Variants in RAD51B observed in about 807,000 individuals in gnomAD.
The protein encoded by RAD51B is RAD51 paralog B, also known as DNA repair protein RAD51 homolog 2.
Under a neutral mutation model 42.2 loss-of-function variants are expected in RAD51B, and 38 were observed. The ratio of observed to expected loss-of-function variants is 0.90; its 90% CI spans 0.70 to 1.18. RAD51B has a LOEUF of 1.18. RAD51B is among the 50% of genes most tolerant of loss of function. RAD51B has a pLI of 0.00. For synonymous variants in RAD51B, 154 were observed against 145.2 expected (o/e 1.06, Z -0.43); for missense variants, 373 against 400.7 (o/e 0.93, Z 0.59).
chr14:68,414,117 C>T (rs534697573), intron 9 of RAD51B, among the ~76,000 whole-genome samples: 14 of 152,204 alleles, frequency 9.2e-5, no homozygotes, highest in East Asian at 1.9e-4. Context: ...ACCTTCAAGC[C>T]GATTAACCCA....
intron 7 of RAD51B, among the ~76,000 whole-genome samples, chr14:68,258,435 T>A (rs1044040077): frequency 1.3e-5 from 2 of 149,746 alleles, no homozygotes; most frequent in Non-Finnish European, 3.0e-5. Flanking sequence ...ACACACACTC[T>A]CTCTCTCTCA....
chr14:67,860,597 G>T (rs887997948), intron 4 of RAD51B, among the ~76,000 whole-genome samples: 1 of 152,158 alleles, frequency 6.6e-6, no homozygotes, highest in Non-Finnish European at 1.5e-5. Context: ...ATGCTGGACT[G>T]TTGGGGGAAA....
chr14:67,899,344 C>T (rs1363537591), intron 7 of RAD51B, among the ~76,000 whole-genome samples: 8 of 152,056 alleles, frequency 5.3e-5, no homozygotes, highest in African/African-American at 1.4e-4. Flanking sequence ...CCACCACACC[C>T]GGCCTAGATT....
intron 7 of RAD51B, among the ~76,000 whole-genome samples, chr14:67,897,771 T>C (rs2043473208): frequency 6.6e-6 from 1 of 152,040 alleles, no homozygotes; most frequent in Non-Finnish European, 1.5e-5. Flanking sequence ...TGTCTCAGTC[T>C]CCCAAGTACC....
intron 7 of RAD51B, among the ~76,000 whole-genome samples, chr14:68,143,066 A>C (rs1013778258): frequency 3.3e-5 from 5 of 152,052 alleles, no homozygotes; most frequent in African/African-American, 1.2e-4. Context: ...CTAAAGGAAC[A>C]CTGTGATTTC....
chr14:68,338,584 G>A, intron 8 of RAD51B: 1 of 271,580 alleles, frequency 3.7e-6, no homozygotes. Flanking sequence ...GCTGCCAAGG[G>A]CCCACCCATG....
chr14:68,303,539 A>G (rs1244068752), intron 8 of RAD51B, among the ~76,000 whole-genome samples: 1 of 152,088 alleles, frequency 6.6e-6, no homozygotes, highest in East Asian at 1.9e-4. Context: ...TTTCTCAGGC[A>G]GCCATTTACA....
At chr14:68,142,923 C>T (rs1163303168) in intron 7 of RAD51B, among the ~76,000 whole-genome samples, 1 of 149,988 alleles carries the variant, frequency 6.7e-6, no homozygotes, top group Non-Finnish European at 1.5e-5. Flanking sequence ...GGGTTGGGGG[C>T]TTGCAGTGAG....
intron 10 of RAD51B, among the ~76,000 whole-genome samples, chr14:68,518,399 G>C (rs12100662): frequency 0.046 from 7,040 of 152,282 alleles, 509 homozygotes; most frequent in African/African-American, 0.16. Context: ...GGAAACAACA[G>C]GCAGTTGTGT....
chr14:68,050,114 T>G (rs1384573222), intron 7 of RAD51B, among the ~76,000 whole-genome samples: 1 of 152,202 alleles, frequency 6.6e-6, no homozygotes, highest in Admixed American at 6.5e-5. Flanking sequence ...TCTTTCTCTG[T>G]ACTTCTCTTA....
At chr14:68,258,731 T>C (rs2080812679) in intron 7 of RAD51B, among the ~76,000 whole-genome samples, 1 of 152,108 alleles carries the variant, frequency 6.6e-6, no homozygotes, top group East Asian at 1.9e-4. Context: ...TGGGGGCAGG[T>C]CATGACCATC....
At chr14:68,411,339 T>A in intron 8 of RAD51B, 85 bp from the exon 9 acceptor site, 1 of 1,116,680 alleles carries the variant, frequency 9.0e-7, no homozygotes, top group Middle Eastern at 2.7e-4. Context: ...TCTGGACTAC[T>A]GGCAATGAGT....
At chr14:68,027,587 C>T (rs1329537885) in intron 7 of RAD51B, among the ~76,000 whole-genome samples, 4 of 152,044 alleles carry the variant, frequency 2.6e-5, no homozygotes, top group Non-Finnish European at 4.4e-5. Flanking sequence ...AACTGGTCTT[C>T]GAGTTCTGGG....
chr14:68,345,221 A>T (rs919518896), intron 8 of RAD51B, among the ~76,000 whole-genome samples: 6 of 152,210 alleles, frequency 3.9e-5, no homozygotes, highest in African/African-American at 1.4e-4. Context: ...GACTTGGGAG[A>T]ACTATTGAGA....
At chr14:68,002,167 T>C (rs947003974) in intron 7 of RAD51B, among the ~76,000 whole-genome samples, 1 of 152,206 alleles carries the variant, frequency 6.6e-6, no homozygotes, top group Non-Finnish European at 1.5e-5. Context: ...CCACCAACAG[T>C]GTAAAAGTGT....
intron 7 of RAD51B, among the ~76,000 whole-genome samples, chr14:68,280,934 C>T (rs1333400052): frequency 1.3e-5 from 2 of 151,968 alleles, no homozygotes; most frequent in African/African-American, 4.8e-5. Flanking sequence ...GTGCATGCCT[C>T]TGTTCCCAGC....
intron 8 of RAD51B, among the ~76,000 whole-genome samples, chr14:68,364,516 C>T (rs562490947): frequency 8.5e-4 from 130 of 152,190 alleles, no homozygotes; most frequent in African/African-American, 3.0e-3. Context: ...GGGCTCCACT[C>T]GCCAGCAGCC....
chr14:68,421,732 T>C lies in RAD51B; in HGVS notation c.957+10205T>C. ...TTGTCCACAGTCAGCAATGGTGATC[T>C]TCTTGCTGGTCTTGCCATTCCTGGA... On this transcript the variant is annotated intron_variant, in intron 9 of 10. Transcript: ENST00000471583. 11 of 1,592,410 alleles carry C rather than the reference T, an allele frequency of 6.9e-6. No individual in the cohort carries two copies. The South Asian group carries it at 1.1e-4, about 16-fold the overall frequency.
At chr14:68,369,413 A>G (rs1594739962) in intron 8 of RAD51B, among the ~76,000 whole-genome samples, 1 of 152,188 alleles carries the variant, frequency 6.6e-6, no homozygotes, top group Non-Finnish European at 1.5e-5. Context: ...AGAAAATGAG[A>G]GCACTCAGGA....
Sources: gnomAD v4.1 joint callset for allele counts (sites outside exome capture counted in the v4.1 genomes callset) on GRCh38, gnomAD v4.1.1 for gene constraint, MANE v1.5 for transcripts, NCBI Gene and HGNC (gene_info 2026-07-23, HGNC 2026-07-21) for gene names.